The following TMEM132D variants were observed in gnomAD, a reference collection of about 807,000 sequenced individuals.
TMEM132D encodes the protein mature OL transmembrane protein.
Under a neutral mutation model 62.3 loss-of-function variants are expected in TMEM132D, and 21 were observed. The observed-to-expected ratio is 0.34, with a 90% CI of 0.24 to 0.49. TMEM132D has a LOEUF of 0.49. TMEM132D is among the 20% of genes least tolerant of loss of function. TMEM132D has a pLI of 0.99. For synonymous variants in TMEM132D, 621 were observed against 575.6 expected (o/e 1.08, Z -1.13); for missense variants, 1,346 against 1,402.8 (o/e 0.96, Z 0.65).
chr12:129,885,746 G>A (rs2137389604), intron 1 of TMEM132D, among the ~76,000 whole-genome samples: 1 of 152,202 alleles, frequency 6.6e-6, no homozygotes, highest in African/African-American at 2.4e-5. Flanking sequence ...TGTAAATCTT[G>A]ACATTTTAAA....
intron 4 of TMEM132D, among the ~76,000 whole-genome samples, chr12:129,302,703 G>A (rs1395862966): frequency 6.6e-6 from 1 of 152,220 alleles, no homozygotes; most frequent in East Asian, 1.9e-4. Flanking sequence ...AAGCACCAGA[G>A]GGAAAACCTA....
At chr12:129,697,738 G>A (rs922190621) in intron 2 of TMEM132D, among the ~76,000 whole-genome samples, 1 of 152,156 alleles carries the variant, frequency 6.6e-6, no homozygotes, top group Non-Finnish European at 1.5e-5. Context: ...GCCAAGACTT[G>A]GAGCCTCATA....
intron 4 of TMEM132D, among the ~76,000 whole-genome samples, chr12:129,263,744 A>G (rs930858555): frequency 6.6e-6 from 1 of 152,132 alleles, no homozygotes; most frequent in Non-Finnish European, 1.5e-5. Context: ...ATTAAAATAT[A>G]CATCCCAAAG....
chr12:129,104,779 A>G (rs954113669), intron 5 of TMEM132D, among the ~76,000 whole-genome samples: 78 of 149,384 alleles, frequency 5.2e-4, no homozygotes, highest in African/African-American at 1.8e-3. Flanking sequence ...GCAGCCAAAA[A>G]ACACATGAAA....
At chr12:129,212,101 G>A (rs544267625) in intron 4 of TMEM132D, 1 of 152,254 alleles carries the variant, frequency 6.6e-6, no homozygotes, top group African/African-American at 2.4e-5. Context: ...TCAGTCTCAG[G>A]GAAAACAGTT....
intron 3 of TMEM132D, among the ~76,000 whole-genome samples, chr12:129,424,686 T>C (rs58151726): frequency 6.3e-5 from 8 of 126,330 alleles, no homozygotes; most frequent in South Asian, 2.7e-4. Context: ...CCAGCCTGGG[T>C]GACAGAGCGA....
chr12:129,155,711 A>C (rs1202492495), intron 5 of TMEM132D, among the ~76,000 whole-genome samples: 1 of 152,200 alleles, frequency 6.6e-6, no homozygotes, highest in East Asian at 1.9e-4. Context: ...GAAGGGCTGG[A>C]TGCATCCTTT....
intron 2 of TMEM132D, among the ~76,000 whole-genome samples, chr12:129,537,833 G>A (rs972780610): frequency 6.6e-6 from 1 of 152,198 alleles, no homozygotes; most frequent in Non-Finnish European, 1.5e-5. Flanking sequence ...GGAAAATGAT[G>A]AGAACAGTTT....
chr12:129,736,807 T>C (rs1869440526), intron 1 of TMEM132D, among the ~76,000 whole-genome samples: 1 of 148,374 alleles, frequency 6.7e-6, no homozygotes, highest in Non-Finnish European at 1.5e-5. Context: ...CAACCTATGA[T>C]GGTGCCTTTT....
intron 1 of TMEM132D, among the ~76,000 whole-genome samples, chr12:129,875,001 A>T (rs986377849): frequency 1.3e-5 from 2 of 152,370 alleles, no homozygotes; most frequent in Non-Finnish European, 2.9e-5. Context: ...ATGGCTAAAA[A>T]GAAATGAAAA....
At chr12:129,188,767 G>C (rs1206538238) in intron 5 of TMEM132D, among the ~76,000 whole-genome samples, 157 of 3,546 alleles carry the variant, frequency 0.044, 1 homozygote, top group Middle Eastern at 0.17. Flanking sequence ...GAGAGGGAGA[G>C]AGAGAGAGAG....
intron 2 of TMEM132D, among the ~76,000 whole-genome samples, chr12:129,554,354 T>A (rs139591662): frequency 3.9e-5 from 6 of 152,214 alleles, no homozygotes; most frequent in African/African-American, 2.4e-5. Flanking sequence ...TGGGTTTCAA[T>A]ATGGAAAATT....
rs1049581211 is a variant in TMEM132D, at chr12:129,342,231, T to G, written c.1116-4414A>C. On this transcript the variant is annotated intron_variant, in intron 3 of 8. Coordinates refer to ENST00000422113, the MANE Select transcript of TMEM132D (RefSeq NM_133448.3). ...TGGTACTGGTACCAAAACAGAGATA[T>G]AGACCAATGGAACAGAACAGAGCCC... Among the ~76,000 whole-genome samples, 2 of 152,132 alleles carry G rather than the reference T, an allele frequency of 1.3e-5. 1 individual carries two copies. The highest frequency in any genetic ancestry group is 1.3e-4 in the Admixed American group (2 of 15,274).
intron 4 of TMEM132D, among the ~76,000 whole-genome samples, chr12:129,216,758 G>A (rs1203366895): frequency 6.6e-6 from 1 of 152,188 alleles, no homozygotes; most frequent in Non-Finnish European, 1.5e-5. Flanking sequence ...GATGCCAGAA[G>A]CATGGCCACA....
chr12:129,169,090 C>T (rs962682111), intron 5 of TMEM132D, among the ~76,000 whole-genome samples: 5 of 152,178 alleles, frequency 3.3e-5, no homozygotes, highest in Non-Finnish European at 7.3e-5. Flanking sequence ...TAAACTTCAA[C>T]CCACAACCAA....
At chr12:129,844,915 G>A (rs1393230848) in intron 1 of TMEM132D, among the ~76,000 whole-genome samples, 1 of 152,116 alleles carries the variant, frequency 6.6e-6, no homozygotes, top group African/African-American at 2.4e-5. Context: ...CATGAGACAG[G>A]AGGGATTTCA....
chr12:129,756,844 G>A (rs779358816), intron 1 of TMEM132D, among the ~76,000 whole-genome samples: 9 of 152,142 alleles, frequency 5.9e-5, no homozygotes, highest in South Asian at 2.1e-4. Flanking sequence ...CCAGCATTCC[G>A]CTTTCTGCAA....
chr12:129,240,111 G>C lies in TMEM132D; in HGVS notation c.1300-30448C>G, dbSNP rs538936974. 9.2e-5 allele frequency among the ~76,000 whole-genome samples: 14 copies of C among 152,248 alleles called. No homozygotes were observed. In the South Asian group the frequency reaches 2.5e-3, roughly 27 times the overall value. On this transcript the variant is annotated intron_variant, in intron 4 of 8. Transcript: ENST00000422113. ...GACTCAGATTTATTGTAGAACACTTGGAAAATATACGCAAGCATAAAGAAT... is the reference window on the plus strand; with the variant it reads ...GACTCAGATTTATTGTAGAACACTTCGAAAATATACGCAAGCATAAAGAAT...
At chr12:129,766,726 A>G (rs1458846397) in intron 1 of TMEM132D, among the ~76,000 whole-genome samples, 1 of 151,922 alleles carries the variant, frequency 6.6e-6, no homozygotes, top group Admixed American at 6.6e-5. Flanking sequence ...TACCCCCTCT[A>G]TGCACCTCCT....
Sources: gnomAD v4.1 joint callset for allele counts (sites outside exome capture counted in the v4.1 genomes callset) on GRCh38, gnomAD v4.1.1 for gene constraint, MANE v1.5 for transcripts, NCBI Gene and HGNC (gene_info 2026-07-23, HGNC 2026-07-21) for gene names.